Variants in LRRC4C observed in about 807,000 individuals in gnomAD.
LRRC4C encodes leucine-rich repeat-containing protein 4C.
A neutral mutation model predicts 33.6 loss-of-function variants in LRRC4C; 5 were observed. The ratio of observed to expected loss-of-function variants is 0.15; its 90% CI spans 0.08 to 0.31. The LOEUF is 0.31. Ranked by LOEUF, LRRC4C falls within the 10% of genes least tolerant of loss-of-function variation. LRRC4C has a pLI of 1.00. For synonymous variants in LRRC4C, 329 were observed against 302.0 expected (o/e 1.09, Z -0.93); for missense variants, 560 against 796.7 (o/e 0.70, Z 3.58).
chr11:40,138,401 T>G (rs1171578699), intron 6 of LRRC4C, among the ~76,000 whole-genome samples: 1 of 152,206 alleles, frequency 6.6e-6, no homozygotes, highest in Non-Finnish European at 1.5e-5. Context: ...GATATTCTCT[T>G]GACAACTTGT....
chr11:41,225,403 G>A (rs1040703812), intron 1 of LRRC4C, among the ~76,000 whole-genome samples: 1 of 151,992 alleles, frequency 6.6e-6, no homozygotes, highest in African/African-American at 2.4e-5. Flanking sequence ...AACATCTCAT[G>A]TACCCAATAA....
intron 1 of LRRC4C, among the ~76,000 whole-genome samples, chr11:41,251,364 C>T (rs1470208612): frequency 6.6e-6 from 1 of 152,178 alleles, no homozygotes; most frequent in Non-Finnish European, 1.5e-5. Flanking sequence ...CTCCTGAGAC[C>T]TGGATTCGTC....
chr11:40,297,615 G>A (rs1002636771), intron 4 of LRRC4C, among the ~76,000 whole-genome samples: 6 of 150,784 alleles, frequency 4.0e-5, no homozygotes, highest in Admixed American at 2.0e-4. Flanking sequence ...GTCCCCCGCC[G>A]ACCCATGATG....
In LRRC4C at chr11:40,229,695, T is replaced by A. The variant is rs188627244; in HGVS notation, c.-96+11824A>T. Among the ~76,000 whole-genome samples, 6 of 152,326 alleles carry A rather than the reference T, an allele frequency of 3.9e-5. No homozygotes were observed. In the East Asian group the frequency reaches 1.2e-3, roughly 29 times the overall value. ...ATTTCTTCTTCCAATATATTTTCCTTAGGAACTTTGAAACATTTTCCTAGA... is the reference window on the plus strand; with the variant it reads ...ATTTCTTCTTCCAATATATTTTCCTAAGGAACTTTGAAACATTTTCCTAGA... On this transcript the variant is annotated intron_variant, in intron 5 of 6. Coordinates refer to ENST00000528697, the MANE Select transcript of LRRC4C (RefSeq NM_001258419.2).
At chr11:41,068,246 A>T (rs1338486839) in intron 1 of LRRC4C, among the ~76,000 whole-genome samples, 1 of 152,060 alleles carries the variant, frequency 6.6e-6, no homozygotes, top group Non-Finnish European at 1.5e-5. Context: ...TACAAAAATT[A>T]GCTGGGCATG....
At chr11:40,343,280 G>A (rs1946956624) in intron 3 of LRRC4C, among the ~76,000 whole-genome samples, 1 of 152,006 alleles carries the variant, frequency 6.6e-6, no homozygotes, top group Non-Finnish European at 1.5e-5. Flanking sequence ...ATCAATAAGA[G>A]ACTGATTAAG....
intron 4 of LRRC4C, among the ~76,000 whole-genome samples, chr11:40,259,680 A>G (rs1418032933): frequency 6.6e-6 from 1 of 152,108 alleles, no homozygotes. Context: ...CCCTTTCCCC[A>G]TTTCTTGTTT....
chr11:40,222,648 A>T (rs1260337247), intron 5 of LRRC4C, among the ~76,000 whole-genome samples: 1 of 152,250 alleles, frequency 6.6e-6, no homozygotes, highest in Non-Finnish European at 1.5e-5. Flanking sequence ...TTTCAAAGAA[A>T]TAATTCCTGT....
chr11:41,273,350 A>T (rs1006743006), intron 1 of LRRC4C, among the ~76,000 whole-genome samples: 1 of 152,084 alleles, frequency 6.6e-6, no homozygotes, highest in Non-Finnish European at 1.5e-5. Context: ...AACCTAAATG[A>T]CTCTTGATGG....
intron 2 of LRRC4C, among the ~76,000 whole-genome samples, chr11:40,708,309 C>A (rs1407265315): frequency 1.3e-5 from 2 of 152,036 alleles, no homozygotes; most frequent in African/African-American, 2.4e-5. Flanking sequence ...GATGTTAGGG[C>A]ATCAATTTTA....
At chr11:40,307,850 GC>G (rs1945117742) in intron 4 of LRRC4C, among the ~76,000 whole-genome samples, 1 of 152,300 alleles carries the variant, frequency 6.6e-6, no homozygotes, top group East Asian at 1.9e-4. Flanking sequence ...ATCTCCAGAT[GC>G]TTGTTGAAAT....
At chr11:40,969,437 T>C (rs1040666071) in intron 1 of LRRC4C, among the ~76,000 whole-genome samples, 2 of 147,130 alleles carry the variant, frequency 1.4e-5, no homozygotes, top group East Asian at 4.1e-4. Flanking sequence ...GTGGGTAAAA[T>C]GCTATCAAAC....
In LRRC4C at chr11:40,115,710, C is replaced by CTGA; in HGVS notation, c.582_583insTCA (p.Glu194_Gly195insSer). ...TTCAAATACCTCAAGTTGGACAGACCTTCAAAGGCACCTTCTGAGATGTAT... is the reference window on the plus strand; with the variant it reads ...TTCAAATACCTCAAGTTGGACAGACCTGATTCAAAGGCACCTTCTGAGATGTAT... On this transcript the variant is annotated inframe_insertion, in exon 7 of 7. Coordinates refer to ENST00000528697, the MANE Select transcript of LRRC4C (RefSeq NM_001258419.2). This position sits in a 1 kb window ranked among gnomAD's most constrained non-coding sequence, Gnocchi z 6.7. 1 of 1,614,132 alleles carries CTGA rather than the reference C, an allele frequency of 6.2e-7. No homozygotes were observed. The highest frequency in any genetic ancestry group is 8.5e-7 in the Non-Finnish European group (1 of 1,180,018).
At chr11:40,878,808 T>C (rs1320365788) in intron 2 of LRRC4C, among the ~76,000 whole-genome samples, 2 of 152,214 alleles carry the variant, frequency 1.3e-5, no homozygotes, top group Non-Finnish European at 2.9e-5. Context: ...TTTGAGGCAG[T>C]GGTGATGTTA....
intron 1 of LRRC4C, among the ~76,000 whole-genome samples, chr11:41,252,097 A>T (rs1252094179): frequency 6.6e-6 from 1 of 152,186 alleles, no homozygotes; most frequent in African/African-American, 2.4e-5. Flanking sequence ...ACTACATGGA[A>T]TTAAACAGGC....
At chr11:40,317,857 T>C (rs148881613) in intron 4 of LRRC4C, among the ~76,000 whole-genome samples, 13 of 152,252 alleles carry the variant, frequency 8.5e-5, no homozygotes, top group African/African-American at 2.6e-4. Context: ...GTTCCTCTTT[T>C]AGAGAGCAGA....
intron 2 of LRRC4C, among the ~76,000 whole-genome samples, chr11:40,776,508 T>G (rs958460726): frequency 2.6e-5 from 4 of 152,154 alleles, no homozygotes; most frequent in African/African-American, 9.6e-5. Flanking sequence ...ATATTTTAGT[T>G]TCTTTGCATA....
intron 2 of LRRC4C, among the ~76,000 whole-genome samples, chr11:40,876,314 G>A (rs1306229492): frequency 4.2e-5 from 5 of 120,056 alleles, no homozygotes; most frequent in African/African-American, 1.6e-4. Flanking sequence ...CCTTTTGAAA[G>A]CCGAGACAGG....
chr11:41,440,825 A>G (rs2138525306), intron 1 of LRRC4C, among the ~76,000 whole-genome samples: 1 of 152,218 alleles, frequency 6.6e-6, no homozygotes, highest in Non-Finnish European at 1.5e-5. Context: ...ACCATGTAAA[A>G]TTGTCCTTGC....
Sources: allele counts gnomAD v4.1 joint callset (sites outside exome capture counted in the v4.1 genomes callset), GRCh38; gene constraint gnomAD v4.1.1; non-coding constraint Gnocchi (gnomAD v3.1); transcripts MANE v1.5; gene names NCBI Gene and HGNC (gene_info 2026-07-23, HGNC 2026-07-21).